Variants in FAT2 observed in about 807,000 individuals in gnomAD.
FAT2 encodes the protein FAT atypical cadherin 2.
Under a neutral mutation model 295.3 loss-of-function variants are expected in FAT2, and 150 were observed. The ratio of observed to expected loss-of-function variants is 0.51; its 90% confidence interval spans 0.44 to 0.58. The LOEUF is 0.58. FAT2 is among the 20% of genes least tolerant of loss of function. FAT2 has a pLI of 0.00. For synonymous variants in FAT2, 2,026 were observed against 2,150.3 expected (o/e 0.94, Z 1.60); for missense variants, 4,868 against 5,442.7 (o/e 0.89, Z 3.32).
rs1412985762 is a variant in FAT2 at position 151,537,873 on chromosome 5, A to C, written c.9113T>G (p.Leu3038Trp). Residue 3038 changes from leucine (L) to tryptophan (W), a missense_variant, in exon 12 of 24, where the codon TTG becomes TGG. Leu to Trp is a moderately conservative substitution (Grantham distance 61). Around this residue, in one of 5 missense-constraint regions of FAT2, gnomAD observed 1,046 missense variants for 1,210.1 expected, o/e 0.86. Transcript: ENST00000261800. ...GATCTGAGCATTGGTATCAGTGTCC[A>C]AGTCTGTGGCAGAAACCTTCAAAAT... Reference protein sequence around the residue: ...HFILKVSATDLDTDTNAQITY... With the variant: ...HFILKVSATDWDTDTNAQITY... 6.2e-7 allele frequency: 1 copy of C among 1,614,188 alleles called. No homozygotes were observed. Among genetic ancestry groups the C allele is most frequent in the South Asian group, 1.1e-5 (1 of 91,076 alleles).
In FAT2 at chr5:151,512,592, C is replaced by T; in HGVS notation, c.11478G>A (p.Val3826=). 1 of 1,607,890 alleles carries T rather than the reference C, an allele frequency of 6.2e-7. No homozygotes were observed. Among genetic ancestry groups the T allele is most frequent in the Non-Finnish European group, 8.5e-7 (1 of 1,176,422 alleles). ...CCAGACAGTGGTATTCCAGCTGGGG[C>T]ACTCCACTGGCCAGCTGCAAAGGAA... is the stretch of plus-strand genomic sequence containing the variant. The part of the protein sequence containing the change: ...ASVSLKLASG[V]PQLEYHCLGG... Residue 3826 remains valine (V), a synonymous_variant, in exon 21 of 24, where the codon GTG becomes GTA. Coordinates refer to ENST00000261800, the MANE Select transcript of FAT2 (RefSeq NM_001447.3). The surrounding 1 kb of genome is among the most constrained non-coding windows in gnomAD (Gnocchi z 4.1).
intron 1 of FAT2, among the ~76,000 whole-genome samples, chr5:151,573,867 A>T (rs140136271): frequency 1.3e-5 from 2 of 152,204 alleles, no homozygotes; most frequent in African/African-American, 4.8e-5. Context: ...TCTTTGTCCA[A>T]CTCATTGATA....
Position 151,512,653 on chromosome 5 carries a change from G to T in FAT2, c.11464-47C>A, listed in dbSNP as rs1761410690. On this transcript the variant is annotated intron_variant, in intron 20 of 23. Coordinates refer to ENST00000261800, the MANE Select transcript of FAT2 (RefSeq NM_001447.3). This position sits in a 1 kb window ranked among gnomAD's most constrained non-coding sequence, Gnocchi z 4.1. The stretch of plus-strand genomic sequence containing the variant: ...CCATCAGCAAAGCCAAGGAGTCCTT[G>T]TAAACCTGCTAAGAGGCTGCCAGTT... 4 of 1,495,976 alleles carry T rather than the reference G, an allele frequency of 2.7e-6. No homozygotes were observed. The highest frequency in any genetic ancestry group is 3.6e-6 in the Non-Finnish European group (4 of 1,106,358). 92.7% of individuals were successfully genotyped at this position (1,495,976 alleles called of 1,614,324 possible). A position where few individuals can be genotyped will look rare whatever the true frequency, so the allele number is the denominator to read the frequency against.
chr5:151,517,701 C>T lies in FAT2; in HGVS notation c.11382G>A (p.Trp3794Ter), dbSNP rs747860408. Reference protein sequence around the residue: ...VRYRAPAARNWHIHFYLKTLQ... With the variant: ...VRYRAPAARN ...GTGTTTTCAGATAGAAATGGATGTG[C>T]CAGTTCCGAGCCGCTGGGGCCCTGT... The change falls in exon 20 of 24, where the codon TGG becomes TGA. Residue 3794 changes from tryptophan (W) to a stop codon, truncating the protein, a stop_gained. Transcript: ENST00000261800. LOFTEE classifies it high-confidence loss of function. The T allele has an allele frequency of 5.0e-6, 8 of 1,614,140 alleles. No homozygotes were observed.
At position 151,534,338 on chromosome 5, in the gene FAT2, AG is replaced by A. The variant is rs750402971; in HGVS notation, c.9427+70del. On this transcript the variant is annotated intron_variant, in intron 13 of 23. Transcript: ENST00000261800. ...CCTTACCAGTCCTAGAGAGACACAAAGGGGACCAAACCCTTGCCCAAGGTGA... is the reference window on the plus strand; with the variant it reads ...CCTTACCAGTCCTAGAGAGACACAAAGGGACCAAACCCTTGCCCAAGGTGA... The A allele has an allele frequency of 2.4e-6, 3 of 1,266,068 alleles. No homozygotes were observed. The East Asian group carries it at 7.6e-5, about 32-fold the overall frequency. 78.4% of individuals were successfully genotyped at this position (1,266,068 alleles called of 1,614,324 possible).
At position 151,545,187 on chromosome 5, in the gene FAT2, G is replaced by T; in HGVS notation, c.5940C>A (p.Asn1980Lys). The T allele has an allele frequency of 6.2e-7, 1 of 1,614,192 alleles. No individual in the cohort carries two copies. Among genetic ancestry groups the T allele is most frequent in the Non-Finnish European group, 8.5e-7 (1 of 1,180,024 alleles). ...QDVYWAAVKE[N>K]LQDRKALVIL... ...TCACCAGTGCCTTTCTGTCCTGCAA[G>T]TTCTCCTTCACAGCTGCCCAGTAGA... is the stretch of plus-strand genomic sequence containing the variant. Residue 1980 changes from asparagine to lysine, a missense_variant, in exon 10 of 24, where the codon AAC becomes AAA. Physicochemically the swap from Asn to Lys is moderately conservative, Grantham distance 94. Coordinates refer to ENST00000261800, the MANE Select transcript of FAT2 (RefSeq NM_001447.3).
chr5:151,555,855 T>C (rs1312743553), intron 4 of FAT2, among the ~76,000 whole-genome samples: 1 of 152,148 alleles, frequency 6.6e-6, no homozygotes, highest in African/African-American at 2.4e-5. Flanking sequence ...CTGCTTCTCT[T>C]CTGATTTCAT....
At position 151,568,975 on chromosome 5, in the gene FAT2, G is replaced by A. The variant is rs766658780; in HGVS notation, c.-20-24C>T. ...CCCTGGGCAGAAAATAAAAGACAGG[G>A]TGCAAGTTAGGGGGAAAAAATGGTT... On this transcript the variant is annotated intron_variant, in intron 1 of 23. Coordinates refer to ENST00000261800, the MANE Select transcript of FAT2 (RefSeq NM_001447.3). 4 of 1,544,600 alleles carry A rather than the reference G, an allele frequency of 2.6e-6. No homozygotes were observed. In the South Asian group the frequency reaches 3.8e-5, roughly 15 times the overall value.
chr5:151,540,879 T>G, intron 10 of FAT2, 116 bp from the exon 11 acceptor site: 1 of 964,818 alleles, frequency 1.0e-6, no homozygotes. Context: ...AGCAAACATT[T>G]CCTTCCTTAA....
At chr5:151,522,936 A>G (rs1448524701) in intron 18 of FAT2, among the ~76,000 whole-genome samples, 1 of 152,202 alleles carries the variant, frequency 6.6e-6, no homozygotes, top group Non-Finnish European at 1.5e-5. Flanking sequence ...TCACTTAAGT[A>G]GGGAAAAGAA....
chr5:151,537,655 T>A, intron 12 of FAT2, 138 bp downstream of exon 12: 1 of 805,156 alleles, frequency 1.2e-6, no homozygotes, highest in East Asian at 2.6e-5. Context: ...AGTACAATGC[T>A]TGGCACATAG....
chr5:151,554,476 G>A lies in FAT2; in HGVS notation c.3831C>T (p.Gly1277=), dbSNP rs905479495. The change falls in exon 5 of 24, where the codon GGC becomes GGT. Residue 1277 remains glycine (G), a synonymous_variant. Transcript: ENST00000261800. The part of the protein sequence containing the change: ...VASDLDEGLN[G]RVTYSIEDSD... ...TGTCCTCGATACTGTAGGTGACTCTGCCATTAAGACCCTCATCCAGGTCTG... is the reference window on the plus strand; with the variant it reads ...TGTCCTCGATACTGTAGGTGACTCTACCATTAAGACCCTCATCCAGGTCTG... 1.9e-6 allele frequency: 3 copies of A among 1,614,196 alleles called. No homozygotes were observed.
chr5:151,575,959 A>G (rs1758730806), intron 1 of FAT2, among the ~76,000 whole-genome samples: 1 of 152,210 alleles, frequency 6.6e-6, no homozygotes, highest in Non-Finnish European at 1.5e-5. Flanking sequence ...TTTAAAAGAC[A>G]CATGTGACTT....
At chr5:151,557,795 A>T (rs1388531224) in intron 3 of FAT2, among the ~76,000 whole-genome samples, 1 of 152,226 alleles carries the variant, frequency 6.6e-6, no homozygotes, top group East Asian at 1.9e-4. Context: ...ATGTTGGGAT[A>T]GGAATGGGTT....
At position 151,531,994 on chromosome 5, in the gene FAT2, A is replaced by G. The variant is rs2127592082; in HGVS notation, c.9428-24T>C. 2 of 1,611,954 alleles carry G rather than the reference A, an allele frequency of 1.2e-6. No homozygotes were observed. The highest frequency in any genetic ancestry group is 1.7e-6 in the Non-Finnish European group (2 of 1,178,962). ...GCCTGGCAGGGAGACCAAGGGTGTG[A>G]TCCACACTGAGGGCGCCTCCTCTGG... On this transcript the variant is annotated intron_variant, in intron 13 of 23. Transcript: ENST00000261800. The surrounding 1 kb of genome is among the most constrained non-coding windows in gnomAD (Gnocchi z 5.7).
Position 151,546,177 on chromosome 5 carries a change from G to A in FAT2, c.4950C>T (p.Val1650=), listed in dbSNP as rs1163073617. The change falls in exon 10 of 24, where the codon GTC becomes GTT. Residue 1650 remains valine (V), a synonymous_variant. Coordinates refer to ENST00000261800, the MANE Select transcript of FAT2 (RefSeq NM_001447.3). The part of the protein sequence containing the change: ...WHDLATVIIH[V]YPSDRSAPIF... ...TGGGGGCACTCCTATCTGAGGGATA[G>A]ACATGAATGATCACTGTAGCCAGGT... 6.2e-7 allele frequency: 1 copy of A among 1,614,158 alleles called. No homozygotes were observed. The highest frequency in any genetic ancestry group is 1.1e-5 in the South Asian group (1 of 91,082).
chr5:151,531,532 C>T lies in FAT2; in HGVS notation c.9811+55G>A, dbSNP rs1490740919. The T allele has an allele frequency of 3.1e-6, 5 of 1,599,370 alleles. No homozygotes were observed. The highest frequency in any genetic ancestry group is 1.7e-5 in the Admixed American group (1 of 59,272). On this transcript the variant is annotated intron_variant, in intron 14 of 23. Coordinates refer to ENST00000261800, the MANE Select transcript of FAT2 (RefSeq NM_001447.3). The surrounding 1 kb of genome is among the most constrained non-coding windows in gnomAD (Gnocchi z 5.7). ...ATACCCACACAGGGGAGGAACCCAG[C>T]GCTCCCAGAAACCCTGTACGCGATG...
At chr5:151,519,768 A>G (rs1163607415) in intron 19 of FAT2, among the ~76,000 whole-genome samples, 1 of 152,106 alleles carries the variant, frequency 6.6e-6, no homozygotes, top group Non-Finnish European at 1.5e-5. Flanking sequence ...AAAAAATAAA[A>G]AACCTCTTTT....
chr5:151,513,697 A>G (rs1310598743), intron 20 of FAT2, among the ~76,000 whole-genome samples: 1 of 152,200 alleles, frequency 6.6e-6, no homozygotes, highest in East Asian at 1.9e-4. Flanking sequence ...CCTATGATAC[A>G]TCGGTTACCC....
Sources: gnomAD v4.1 joint callset for allele counts (sites outside exome capture counted in the v4.1 genomes callset) on GRCh38, gnomAD v4.1.1 for gene constraint, gnomAD v4.1.1 regional missense constraint, Gnocchi (gnomAD v3.1) non-coding constraint, MANE v1.5 for transcripts, NCBI Gene and HGNC (gene_info 2026-07-23, HGNC 2026-07-21) for gene names.